The following ATP13A4 variants were observed in gnomAD, a reference collection of about 807,000 sequenced individuals.
ATP13A4 encodes ATPase 13A4, also known as probable cation-transporting ATPase 13A4.
A neutral mutation model predicts 142.5 loss-of-function variants in ATP13A4; 114 were observed. The ratio of observed to expected loss-of-function variants is 0.80; its 90% CI spans 0.69 to 0.93. ATP13A4 has a LOEUF of 0.93. ATP13A4 is among the 40% of genes least tolerant of loss of function. The pLI is 0.00. For missense variants in ATP13A4, 1,392 were observed against 1,454.0 expected, an observed-to-expected ratio of 0.96 and a Z score of 0.69; for synonymous variants, 488 against 514.8, an observed-to-expected ratio of 0.95 and a Z score of 0.70.
At chr3:193,514,972 A>T (rs1217257732) in intron 1 of ATP13A4, 101 bp from the exon 2 acceptor site, 2 of 1,331,968 alleles carry the variant, frequency 1.5e-6, no homozygotes, top group Non-Finnish European at 2.1e-6. Flanking sequence ...AGAGTGAAGG[A>T]GTTGAGGAGG....
At chr3:193,474,769 GAA>G (rs1162512487) in intron 8 of ATP13A4, among the ~76,000 whole-genome samples, 2 of 151,800 alleles carry the variant, frequency 1.3e-5, no homozygotes, top group Non-Finnish European at 2.9e-5. Flanking sequence ...GAAAGAGAAA[GAA>G]AGAAAGAAAC....
At position 193,541,248 on chromosome 3, in the gene ATP13A4, C is replaced by CAAAAAAAAAAAAAAAAAAAAAAAAAAAAA. The variant is rs71179308; in HGVS notation, c.60+13491_60+13492insTTTTTTTTTTTTTTTTTTTTTTTTTTTTT. ...TGGGCGACAGAGCGAGACTCCTTCT[C>CAAAAAAAAAAAAAAAAAAAAAAAAAAAAA]AAAAAAAAAAAAAAAAAAAAAATCA... On this transcript the variant is annotated intron_variant, in intron 1 of 29. Transcript: ENST00000342695. 2.0e-4 allele frequency among the ~76,000 whole-genome samples: 10 copies of CAAAAAAAAAAAAAAAAAAAAAAAAAAAAA among 51,276 alleles called. 1 individual carries two copies. The highest frequency in any genetic ancestry group is 2.4e-4 in the Non-Finnish European group (6 of 24,878). 33.6% of individuals were successfully genotyped at this position (51,276 alleles called of 152,430 possible).
At chr3:193,485,234 G>A (rs1719535473) in intron 7 of ATP13A4, among the ~76,000 whole-genome samples, 1 of 151,816 alleles carries the variant, frequency 6.6e-6, no homozygotes, top group African/African-American at 2.4e-5. Context: ...GAAAGCAAGG[G>A]AGATGCTGGG....
At chr3:193,487,217 G>C (rs1176436663) in intron 7 of ATP13A4, among the ~76,000 whole-genome samples, 2 of 152,066 alleles carry the variant, frequency 1.3e-5, no homozygotes, top group Non-Finnish European at 2.9e-5. Flanking sequence ...CAACTGAGAG[G>C]TTTAGCGATA....
upstream of ATP13A4, among the ~76,000 whole-genome samples, chr3:193,558,746 G>A (rs1002662953): frequency 1.3e-5 from 2 of 152,054 alleles, no homozygotes; most frequent in African/African-American, 2.4e-5. Context: ...CCATTCTGGG[G>A]GCTACAAATT....
At chr3:193,439,349 T>C (rs1031458563) in intron 21 of ATP13A4, among the ~76,000 whole-genome samples, 2 of 152,172 alleles carry the variant, frequency 1.3e-5, no homozygotes, top group African/African-American at 4.8e-5. Flanking sequence ...CACAATTCTA[T>C]GATGTAAGTT....
intron 1 of ATP13A4, among the ~76,000 whole-genome samples, chr3:193,591,068 G>C (rs145757136): frequency 5.9e-5 from 9 of 152,062 alleles, no homozygotes; most frequent in African/African-American, 2.2e-4. Flanking sequence ...GCATTTTTTT[G>C]CTTGTTTGTT....
chr3:193,580,713 G>C (rs1456432131), intron 2 of ATP13A4, among the ~76,000 whole-genome samples: 3 of 152,140 alleles, frequency 2.0e-5, no homozygotes, highest in African/African-American at 4.8e-5. Flanking sequence ...CTGCGAGTAG[G>C]GGGAGAAAAA....
intron 1 of ATP13A4, among the ~76,000 whole-genome samples, chr3:193,522,497 G>A (rs897734983): frequency 1.3e-5 from 2 of 152,182 alleles, no homozygotes; most frequent in Non-Finnish European, 2.9e-5. Flanking sequence ...ATGTACCCAC[G>A]GTCACCCAGC....
chr3:193,485,909 C>T (rs1377159513), intron 7 of ATP13A4, among the ~76,000 whole-genome samples: 1 of 140,908 alleles, frequency 7.1e-6, no homozygotes, highest in African/African-American at 2.7e-5. Flanking sequence ...GAAATAAATT[C>T]TGTTGCTTAT....
At chr3:193,584,353 A>T (rs1398676229) in intron 1 of ATP13A4, among the ~76,000 whole-genome samples, 1 of 152,178 alleles carries the variant, frequency 6.6e-6, no homozygotes, top group Non-Finnish European at 1.5e-5. Flanking sequence ...GCCTCTCAAA[A>T]CTGGAGAAGG....
At chr3:193,524,031 G>A (rs1463726399) in intron 1 of ATP13A4, among the ~76,000 whole-genome samples, 1 of 152,134 alleles carries the variant, frequency 6.6e-6, no homozygotes, top group Non-Finnish European at 1.5e-5. Context: ...AAAGCAGCAT[G>A]AAGCCCTCCC....
At chr3:193,454,286 A>G in intron 16 of ATP13A4, 74 bp from the exon 17 acceptor site, 1 of 1,154,428 alleles carries the variant, frequency 8.7e-7, no homozygotes, top group Middle Eastern at 1.9e-4. Context: ...TTCTTTACAA[A>G]CATCCAACTT....
chr3:193,541,112 G>A (rs1435222682), intron 1 of ATP13A4, among the ~76,000 whole-genome samples: 3 of 151,896 alleles, frequency 2.0e-5, no homozygotes, highest in Non-Finnish European at 2.9e-5. Flanking sequence ...AGCCGGGCGT[G>A]GTGGCAGGCG....
At chr3:193,521,235 G>C (rs1002763109) in intron 1 of ATP13A4, among the ~76,000 whole-genome samples, 2 of 151,840 alleles carry the variant, frequency 1.3e-5, no homozygotes, top group African/African-American at 4.8e-5. Context: ...TATAATTCAG[G>C]GCAGAAAATA....
chr3:193,523,440 C>T (rs1199343070), intron 1 of ATP13A4, among the ~76,000 whole-genome samples: 1 of 152,206 alleles, frequency 6.6e-6, no homozygotes, highest in African/African-American at 2.4e-5. Context: ...GTTTCACCCC[C>T]TGACCTCTAG....
intron 13 of ATP13A4, 21 bp from the exon 14 acceptor site, chr3:193,459,252 G>C: frequency 6.2e-7 from 1 of 1,614,030 alleles, no homozygotes; most frequent in Middle Eastern, 1.7e-4. Context: ...AAAGGAAATG[G>C]GTTTCCATTC....
At chr3:193,496,797 C>A (rs1490039557) in intron 3 of ATP13A4, among the ~76,000 whole-genome samples, 4 of 145,572 alleles carry the variant, frequency 2.7e-5, no homozygotes, top group South Asian at 2.2e-4. Flanking sequence ...TCTCAAAATA[C>A]ATAAATAAAT....
At chr3:193,498,975 C>T (rs1026113775) in intron 3 of ATP13A4, among the ~76,000 whole-genome samples, 13 of 152,038 alleles carry the variant, frequency 8.6e-5, no homozygotes, top group African/African-American at 1.4e-4. Context: ...TTTGTAAAAC[C>T]GTGTCAACTA....
Sources: gnomAD v4.1 joint callset for allele counts (sites outside exome capture counted in the v4.1 genomes callset) on GRCh38, gnomAD v4.1.1 for gene constraint, MANE v1.5 for transcripts, NCBI Gene and HGNC (gene_info 2026-07-23, HGNC 2026-07-21) for gene names.